Variants in ABAT observed in about 807,000 individuals in gnomAD.
The protein encoded by ABAT is 4-aminobutyrate aminotransferase, mitochondrial.
ABAT carries 45 observed loss-of-function variants against 64.6 expected under a neutral mutation model. That is an observed-to-expected ratio of 0.70 (90% CI 0.55 to 0.89). ABAT has a LOEUF of 0.89. Ranked by LOEUF, ABAT falls within the 40% of genes least tolerant of loss-of-function variation. The pLI is 0.00. For missense variants in ABAT, 633 were observed against 658.4 expected, an observed-to-expected ratio of 0.96 and a Z score of 0.42; for synonymous variants, 297 against 250.5, an observed-to-expected ratio of 1.19 and a Z score of -1.75.
At chr16:8,681,945 T>A (rs957699224) in intron 1 of ABAT, among the ~76,000 whole-genome samples, 1 of 152,052 alleles carries the variant, frequency 6.6e-6, no homozygotes, top group Non-Finnish European at 1.5e-5. Flanking sequence ...CTGGCCCACC[T>A]CTATACTACT....
chr16:8,744,256 C>A (rs1450985693), intron 2 of ABAT, among the ~76,000 whole-genome samples: 1 of 152,126 alleles, frequency 6.6e-6, no homozygotes, highest in Non-Finnish European at 1.5e-5. Flanking sequence ...CTGGCATGTG[C>A]TCAGCTTCTG....
At chr16:8,701,188 C>T (rs896482609) in intron 1 of ABAT, among the ~76,000 whole-genome samples, 1 of 152,170 alleles carries the variant, frequency 6.6e-6, no homozygotes, top group Non-Finnish European at 1.5e-5. Context: ...TCTACCTGGG[C>T]CTCCCAAAGT....
At chr16:8,699,243 T>G (rs1022226710) in intron 1 of ABAT, among the ~76,000 whole-genome samples, 4 of 152,124 alleles carry the variant, frequency 2.6e-5, no homozygotes, top group Non-Finnish European at 2.9e-5. Context: ...GGAGGGGAGA[T>G]GCTGTTGCGG....
chr16:8,723,776 C>G (rs1489065289), intron 1 of ABAT, among the ~76,000 whole-genome samples: 1 of 143,752 alleles, frequency 7.0e-6, no homozygotes, highest in Admixed American at 7.0e-5. Flanking sequence ...GTACAAGTAC[C>G]TAAGATAGGG....
At chr16:8,732,771 G>T (rs935413054) in intron 1 of ABAT, among the ~76,000 whole-genome samples, 1 of 150,550 alleles carries the variant, frequency 6.6e-6, no homozygotes, top group South Asian at 2.1e-4. Flanking sequence ...CCGGGCAGAG[G>T]GGCTCCTCAC....
At position 8,733,482 on chromosome 16, in the gene ABAT, G is replaced by T. The variant is rs1186658108; in HGVS notation, c.-41-2217G>T. On this transcript the variant is annotated intron_variant, in intron 1 of 15. Transcript: ENST00000268251. ...GCACTTTGGGAGGCCAAGGCAGGCGGCTGGGAGGTGGAGGTTGTAGCAAGC... is the reference window on the plus strand; with the variant it reads ...GCACTTTGGGAGGCCAAGGCAGGCGTCTGGGAGGTGGAGGTTGTAGCAAGC... 2.0e-5 allele frequency among the ~76,000 whole-genome samples: 3 copies of T among 151,992 alleles called. No individual in the cohort carries two copies. The East Asian group carries it at 5.8e-4, about 29-fold the overall frequency.
intron 1 of ABAT, among the ~76,000 whole-genome samples, chr16:8,729,366 A>T (rs1370556147): frequency 6.6e-6 from 1 of 152,204 alleles, no homozygotes; most frequent in Non-Finnish European, 1.5e-5. Flanking sequence ...TACAATGCAT[A>T]GAGGCAGGGG....
chr16:8,773,770 T>G (rs894732943), intron 12 of ABAT, among the ~76,000 whole-genome samples: 4 of 152,204 alleles, frequency 2.6e-5, no homozygotes, highest in Admixed American at 6.5e-5. Flanking sequence ...ATAAGGGAAG[T>G]GTTTTTAGTT....
chr16:8,703,885 G>A (rs1202264709), intron 1 of ABAT, among the ~76,000 whole-genome samples: 1 of 152,212 alleles, frequency 6.6e-6, no homozygotes, highest in Non-Finnish European at 1.5e-5. Context: ...AAGCAGCCAT[G>A]AATTAATAGG....
intron 2 of ABAT, among the ~76,000 whole-genome samples, chr16:8,743,683 A>G (rs1268157886): frequency 6.2e-5 from 3 of 48,098 alleles, no homozygotes; most frequent in Non-Finnish European, 1.4e-4. Context: ...TATATATTTT[A>G]GTTATAATAT....
chr16:8,742,050 A>G (rs1349393051), intron 2 of ABAT, among the ~76,000 whole-genome samples: 5 of 152,320 alleles, frequency 3.3e-5, no homozygotes, highest in South Asian at 2.1e-4. Context: ...TATGGAAAAC[A>G]TGATAGGAGC....
intron 11 of ABAT, among the ~76,000 whole-genome samples, chr16:8,771,473 T>C (rs1416105403): frequency 1.0e-4 from 15 of 149,998 alleles, no homozygotes; most frequent in African/African-American, 3.2e-4. Context: ...TCTTTCTTTT[T>C]TTTTTTTTTT....
chr16:8,717,162 C>T (rs1355685276), intron 1 of ABAT, among the ~76,000 whole-genome samples: 1 of 152,080 alleles, frequency 6.6e-6, no homozygotes, highest in Non-Finnish European at 1.5e-5. Context: ...TGATGGCACA[C>T]ACCTGTCATC....
rs184275326 is a variant in ABAT at position 8,681,384 on chromosome 16, G to T, written c.-42+6673G>T. Among the ~76,000 whole-genome samples, 217 of 151,514 alleles carry T rather than the reference G, an allele frequency of 1.4e-3. 1 individual carries two copies. Among genetic ancestry groups the T allele is most frequent in the African/African-American group, 4.7e-3 (195 of 41,258 alleles). On this transcript the variant is annotated intron_variant, in intron 1 of 15. Transcript: ENST00000268251. Reference sequence around the variant, plus strand: ...GCTCCTGTAGGTCACACACTATCTTGTGATCCTGGGAATACCACCAGTTCC... The same window carrying T: ...GCTCCTGTAGGTCACACACTATCTTTTGATCCTGGGAATACCACCAGTTCC...
intron 1 of ABAT, among the ~76,000 whole-genome samples, chr16:8,718,322 T>C (rs1412085197): frequency 6.6e-6 from 1 of 152,158 alleles, no homozygotes; most frequent in Non-Finnish European, 1.5e-5. Flanking sequence ...AGTACAGATA[T>C]AAAATACAAT....
intron 1 of ABAT, among the ~76,000 whole-genome samples, chr16:8,712,654 G>T (rs2142093818): frequency 6.6e-6 from 1 of 152,226 alleles, no homozygotes; most frequent in Non-Finnish European, 1.5e-5. Flanking sequence ...CCGATTTGGG[G>T]GCTGGGGGCT....
intron 5 of ABAT, among the ~76,000 whole-genome samples, chr16:8,751,856 C>T (rs2059495557): frequency 1.3e-5 from 2 of 152,208 alleles, no homozygotes; most frequent in African/African-American, 4.8e-5. Context: ...TATAAAAGGG[C>T]ACACAGACAG....
At chr16:8,765,244 A>T (rs1596465094) in intron 8 of ABAT, among the ~76,000 whole-genome samples, 1 of 151,466 alleles carries the variant, frequency 6.6e-6, no homozygotes, top group African/African-American at 2.4e-5. Context: ...GCTGAGGTGG[A>T]AGGATTGCTT....
At chr16:8,691,348 C>T (rs74383549) in intron 1 of ABAT, among the ~76,000 whole-genome samples, 1,603 of 152,274 alleles carry the variant, frequency 0.011, 27 homozygotes, top group African/African-American at 0.036. Flanking sequence ...TGAACACTTG[C>T]ACCTGCCTGC....
Sources: gnomAD v4.1 joint callset for allele counts (sites outside exome capture counted in the v4.1 genomes callset) on GRCh38, gnomAD v4.1.1 for gene constraint, MANE v1.5 for transcripts, NCBI Gene and HGNC (gene_info 2026-07-23, HGNC 2026-07-21) for gene names.